USP48: variants seen among roughly 807,000 people sequenced by gnomAD.
USP48 encodes the protein ubiquitin specific peptidase 48.
In USP48, 43 loss-of-function variants were observed where a neutral mutation model predicts 150.7. The ratio of observed to expected loss-of-function variants is 0.29; its 90% CI spans 0.22 to 0.37. The LOEUF is 0.37. Ranked by LOEUF, USP48 falls within the 10% of genes least tolerant of loss-of-function variation. USP48 has a pLI of 1.00. For synonymous variants in USP48, 396 were observed against 425.9 expected (o/e 0.93, Z 0.86); for missense variants, 813 against 1,249.6 (o/e 0.65, Z 5.27).
intron 12 of USP48, among the ~76,000 whole-genome samples, chr1:21,722,856 C>T (rs2097725459): frequency 6.6e-6 from 1 of 151,942 alleles, no homozygotes; most frequent in Non-Finnish European, 1.5e-5. Flanking sequence ...AACAAAAATT[C>T]CCAGAAATTT....
At chr1:21,781,382 T>C (rs1483547562) in intron 1 of USP48, among the ~76,000 whole-genome samples, 3 of 152,142 alleles carry the variant, frequency 2.0e-5, no homozygotes, top group Admixed American at 2.0e-4. Context: ...GAGGTTGCAG[T>C]GAGCCGAGAT....
At position 21,748,112 on chromosome 1, in the gene USP48, A is replaced by G. The variant is rs752337821; in HGVS notation, c.908+26T>C. The G allele has an allele frequency of 1.2e-5, 20 of 1,604,942 alleles. 1 individual carries two copies. In the South Asian group the frequency reaches 2.2e-4, roughly 18 times the overall value. On this transcript the variant is annotated intron_variant, in intron 7 of 26. Coordinates refer to ENST00000308271, the MANE Select transcript of USP48 (RefSeq NM_032236.8). ...TACATAGTAGACCACAATGAACAAC[A>G]AACACTAATATTTGCACACATTTAC...
At chr1:21,697,493 C>T (rs1022235709) in intron 22 of USP48, among the ~76,000 whole-genome samples, 3 of 151,876 alleles carry the variant, frequency 2.0e-5, no homozygotes, top group African/African-American at 7.3e-5. Context: ...GAAACCCCGT[C>T]TCTACTAAAA....
intron 15 of USP48, 46 bp from the exon 16 acceptor site, chr1:21,706,914 A>T: frequency 6.4e-7 from 1 of 1,554,552 alleles, no homozygotes; most frequent in Non-Finnish European, 8.7e-7. Flanking sequence ...ACAGCTGAAA[A>T]AAAGTCATTA....
chr1:21,738,569 G>C (rs150644878), intron 8 of USP48, among the ~76,000 whole-genome samples: 2,538 of 151,310 alleles, frequency 0.017, 38 homozygotes, highest in African/African-American at 0.037. Flanking sequence ...CGTTGGCCAA[G>C]CTGGTCTCAA....
intron 25 of USP48, among the ~76,000 whole-genome samples, chr1:21,685,350 G>A (rs72660365): frequency 0.023 from 3,430 of 148,296 alleles, 48 homozygotes; most frequent in Non-Finnish European, 0.036. Context: ...TTTTGAGATG[G>A]AGTCTGTCAT....
At chr1:21,715,548 C>A in intron 14 of USP48, 91 bp from the exon 15 acceptor site, 2 of 721,658 alleles carry the variant, frequency 2.8e-6, no homozygotes, top group Non-Finnish European at 2.2e-6. Flanking sequence ...CAATTTGGAA[C>A]AAAGAAAACT....
At chr1:21,767,459 G>C (rs1256960568) in intron 1 of USP48, among the ~76,000 whole-genome samples, 3 of 151,984 alleles carry the variant, frequency 2.0e-5, no homozygotes, top group African/African-American at 7.2e-5. Context: ...CGAGTAGCTG[G>C]GACTCCAGGT....
intron 5 of USP48, among the ~76,000 whole-genome samples, chr1:21,752,258 A>G (rs1273117597): frequency 1.3e-5 from 2 of 152,068 alleles, no homozygotes; most frequent in African/African-American, 4.8e-5. Flanking sequence ...GCCAGTTCCA[A>G]TCTTACTCTT....
At chr1:21,690,594 G>A (rs1232275646) in intron 23 of USP48, among the ~76,000 whole-genome samples, 4 of 152,004 alleles carry the variant, frequency 2.6e-5, no homozygotes, top group Non-Finnish European at 5.9e-5. Context: ...CGCGATCATG[G>A]CTCATTGCAG....
chr1:21,772,210 C>A (rs2097882812), intron 1 of USP48, among the ~76,000 whole-genome samples: 1 of 151,676 alleles, frequency 6.6e-6, no homozygotes, highest in Non-Finnish European at 1.5e-5. Context: ...ATCCAGAAAC[C>A]ATAAAAAAAG....
intron 8 of USP48, among the ~76,000 whole-genome samples, chr1:21,738,890 A>G (rs2097774710): frequency 6.6e-6 from 1 of 152,220 alleles, no homozygotes. Flanking sequence ...ATGGGGAAAC[A>G]GTAATGCAGA....
intron 22 of USP48, 114 bp downstream of exon 22, chr1:21,701,384 A>G (rs2097656366): frequency 6.3e-6 from 5 of 791,768 alleles, no homozygotes; most frequent in African/African-American, 1.8e-5. Context: ...AAAAAAAAGA[A>G]AAAAAAAGAA....
rs183379453 is a variant in USP48 at position 21,782,016 on chromosome 1, G to A, written c.134+808C>T. ...TTCCATTCCTTCCGGATCCCCCAGCGGAATGTAAAAACTCCAGAAAGCATT... is the reference window on the plus strand; with the variant it reads ...TTCCATTCCTTCCGGATCCCCCAGCAGAATGTAAAAACTCCAGAAAGCATT... On this transcript the variant is annotated intron_variant, in intron 1 of 26. Coordinates refer to ENST00000308271, the MANE Select transcript of USP48 (RefSeq NM_032236.8). 1.2e-4 allele frequency: 19 copies of A among 152,260 alleles called. No homozygotes were observed. In the East Asian group the frequency reaches 1.9e-3, roughly 15 times the overall value. The allele number at this position is 152,260 out of a possible 1,614,324, so 9.4% of individuals were successfully genotyped here. A position where few individuals can be genotyped will look rare whatever the true frequency, so the allele number is the denominator to read the frequency against.
At chr1:21,681,532 G>A (rs972155742) in intron 25 of USP48, among the ~76,000 whole-genome samples, 1 of 152,136 alleles carries the variant, frequency 6.6e-6, no homozygotes, top group Non-Finnish European at 1.5e-5. Context: ...AAAGTGATGG[G>A]ATTACAGGAG....
chr1:21,743,188 A>G (rs1018956623), intron 8 of USP48, among the ~76,000 whole-genome samples: 2 of 152,150 alleles, frequency 1.3e-5, no homozygotes, highest in African/African-American at 4.8e-5. Flanking sequence ...GAAGAGGGGA[A>G]GAGAAAAGGA....
At chr1:21,686,562 G>A (rs977487864) in intron 25 of USP48, 3 of 152,418 alleles carry the variant, frequency 2.0e-5, no homozygotes, top group African/African-American at 7.2e-5. Flanking sequence ...TACATCCACT[G>A]GTTATTTTCT....
At chr1:21,732,641 C>T (rs1220923744) in intron 9 of USP48, 1 of 328,916 alleles carries the variant, frequency 3.0e-6, no homozygotes, top group African/African-American at 2.2e-5. Flanking sequence ...CTATTTAGAG[C>T]TTTACAGTCA....
At chr1:21,705,991 G>A (rs970156645) in intron 18 of USP48, 135 bp downstream of exon 18, 1 of 1,115,324 alleles carries the variant, frequency 9.0e-7, no homozygotes, top group Non-Finnish European at 1.3e-6. Flanking sequence ...TAATAGAAAA[G>A]AAAGCTTTCA....
Sources: allele counts gnomAD v4.1 joint callset (sites outside exome capture counted in the v4.1 genomes callset), GRCh38; gene constraint gnomAD v4.1.1; transcripts MANE v1.5; gene names NCBI Gene and HGNC (gene_info 2026-07-23, HGNC 2026-07-21).